Variants in THSD7B observed in about 807,000 individuals in gnomAD.
The protein encoded by THSD7B is thrombospondin type-1 domain-containing protein 7B.
Under a neutral mutation model 213.6 loss-of-function variants are expected in THSD7B, and 138 were observed. That is an observed-to-expected ratio of 0.65 (90% CI 0.56 to 0.74). The LOEUF (loss-of-function observed/expected upper bound fraction) is 0.74. Among genes scored for constraint, THSD7B ranks in the 30% least tolerant of loss-of-function variants. THSD7B has a pLI of 0.00. For synonymous variants in THSD7B, 742 were observed against 687.0 expected (o/e 1.08, Z -1.25); for missense variants, 1,931 against 1,991.5 (o/e 0.97, Z 0.58).
intron 7 of THSD7B, 48 bp downstream of exon 7, chr2:137,170,986 C>A: frequency 1.3e-6 from 2 of 1,576,114 alleles, no homozygotes; most frequent in South Asian, 1.1e-5. Context: ...AAGTATCAGC[C>A]AAATAACACA....
At chr2:137,336,403 T>C (rs1684640245) in intron 12 of THSD7B, among the ~76,000 whole-genome samples, 1 of 152,178 alleles carries the variant, frequency 6.6e-6, no homozygotes, top group Admixed American at 6.5e-5. Context: ...ATGCAATATA[T>C]TGTGAACAGT....
chr2:136,781,771 C>T (rs1338571898), intron 1 of THSD7B, among the ~76,000 whole-genome samples: 1 of 152,122 alleles, frequency 6.6e-6, no homozygotes, highest in Non-Finnish European at 1.5e-5. Flanking sequence ...TGGCGTTCCT[C>T]TGATTCCTTC....
chr2:137,449,664 G>A (rs774403788), intron 14 of THSD7B, among the ~76,000 whole-genome samples: 4 of 152,166 alleles, frequency 2.6e-5, no homozygotes, highest in African/African-American at 4.8e-5. Context: ...GCTGCTTGCA[G>A]TTTCCTGTCA....
chr2:137,326,185 C>T (rs1684370159), intron 12 of THSD7B, among the ~76,000 whole-genome samples: 1 of 152,106 alleles, frequency 6.6e-6, no homozygotes, highest in Non-Finnish European at 1.5e-5. Context: ...GACATAGCTT[C>T]TATCGAGACC....
At chr2:137,626,041 G>T (rs1428394139) in intron 20 of THSD7B, among the ~76,000 whole-genome samples, 3 of 152,232 alleles carry the variant, frequency 2.0e-5, no homozygotes, top group African/African-American at 7.2e-5. Flanking sequence ...AGGAATCACT[G>T]GGATGTGGGT....
intron 2 of THSD7B, among the ~76,000 whole-genome samples, chr2:136,949,860 C>A (rs990666711): frequency 6.6e-6 from 1 of 152,170 alleles, no homozygotes; most frequent in African/African-American, 2.4e-5. Context: ...GAATATAAAT[C>A]ATTGTACTGT....
chr2:137,178,493 A>G (rs1241964534), intron 7 of THSD7B, among the ~76,000 whole-genome samples: 1 of 152,246 alleles, frequency 6.6e-6, no homozygotes, highest in Non-Finnish European at 1.5e-5. Context: ...TTCACGCTAC[A>G]GGAATCAGAC....
chr2:137,316,621 G>A (rs1463189248), intron 12 of THSD7B, among the ~76,000 whole-genome samples: 12 of 152,046 alleles, frequency 7.9e-5, no homozygotes, highest in South Asian at 2.1e-4. Flanking sequence ...AGCCAGGCGC[G>A]GTGGTGGGTG....
At chr2:137,664,287 G>C (rs1419433044) in intron 26 of THSD7B, among the ~76,000 whole-genome samples, 1 of 152,176 alleles carries the variant, frequency 6.6e-6, no homozygotes, top group Non-Finnish European at 1.5e-5. Context: ...GATCCTATTT[G>C]CTTCAAGAAA....
At chr2:136,803,785 A>C (rs1161701224) in intron 1 of THSD7B, among the ~76,000 whole-genome samples, 1 of 152,182 alleles carries the variant, frequency 6.6e-6, no homozygotes, top group Non-Finnish European at 1.5e-5. Context: ...GCATCAGTAG[A>C]CAATGATTAT....
At chr2:137,181,722 G>A (rs1181576809) in intron 7 of THSD7B, among the ~76,000 whole-genome samples, 1 of 152,054 alleles carries the variant, frequency 6.6e-6, no homozygotes, top group African/African-American at 2.4e-5. Flanking sequence ...TTAATGATAT[G>A]TAGCATCTCT....
At chr2:137,634,443 A>G (rs914548990) in intron 20 of THSD7B, among the ~76,000 whole-genome samples, 4 of 152,150 alleles carry the variant, frequency 2.6e-5, no homozygotes, top group African/African-American at 7.2e-5. Context: ...TTGCTCAGAT[A>G]TTTTATTCAA....
chr2:137,299,752 A>G (rs545951590), intron 12 of THSD7B, among the ~76,000 whole-genome samples: 168 of 152,302 alleles, frequency 1.1e-3, no homozygotes, highest in African/African-American at 3.7e-3. Context: ...TAAACATTAT[A>G]CATAGTTTTA....
intron 1 of THSD7B, among the ~76,000 whole-genome samples, chr2:136,790,625 G>A (rs1191376061): frequency 6.6e-6 from 1 of 152,050 alleles, no homozygotes; most frequent in Non-Finnish European, 1.5e-5. Flanking sequence ...AGTTTTTGGA[G>A]ATTCAAAGAC....
rs779997236 is a variant in THSD7B at position 137,095,102 on chromosome 2, C to T, written c.1180C>T (p.Leu394Phe). ...AGAGGCCTGCATTGTTGAAGGAGAACTTCTGCAGCAATGTCCCAGGTATTA... is the reference window on the plus strand; with the variant it reads ...AGAGGCCTGCATTGTTGAAGGAGAATTTCTGCAGCAATGTCCCAGGTATTA... ...EKEACIVEGE[L>F]LQQCPRYSWR... is the part of the protein sequence containing the mutation. Residue 394 changes from leucine (L) to phenylalanine (F), a missense_variant, in exon 4 of 28, where the codon CTT becomes TTT. Coordinates refer to ENST00000409968, the MANE Select transcript of THSD7B (RefSeq NM_001316349.2). 4 of 1,613,820 alleles carry T rather than the reference C, an allele frequency of 2.5e-6. No homozygotes were observed. Among genetic ancestry groups the T allele is most frequent in the Middle Eastern group, 1.7e-4 (1 of 6,056 alleles).
intron 9 of THSD7B, among the ~76,000 whole-genome samples, chr2:137,241,680 AGGAG>A (rs1377026869): frequency 6.6e-6 from 1 of 152,170 alleles, no homozygotes; most frequent in Non-Finnish European, 1.5e-5. Flanking sequence ...TGGGAGGCCA[AGGAG>A]GGCAGATTAT....
Position 137,641,471 on chromosome 2 carries a change from C to T in THSD7B, c.3800-1017C>T, listed in dbSNP as rs1423678086. Reference sequence around the variant, plus strand: ...TTTCTTTTAACATTTATCACAAATACAATTACATAATTAACTTTATAACAA... The same window carrying T: ...TTTCTTTTAACATTTATCACAAATATAATTACATAATTAACTTTATAACAA... On this transcript the variant is annotated intron_variant, in intron 20 of 27. Transcript: ENST00000409968. Among the ~76,000 whole-genome samples the T allele has an allele frequency of 2.0e-5, 3 of 152,300 alleles. No homozygotes were observed. In the East Asian group the frequency reaches 5.8e-4, roughly 29 times the overall value.
At chr2:137,599,112 C>A (rs1682026164) in intron 17 of THSD7B, among the ~76,000 whole-genome samples, 1 of 148,324 alleles carries the variant, frequency 6.7e-6, no homozygotes, top group African/African-American at 2.5e-5. Flanking sequence ...CAATTCCCAC[C>A]TATGAGTGAG....
intron 2 of THSD7B, among the ~76,000 whole-genome samples, chr2:136,905,431 A>G (rs1684143179): frequency 6.6e-6 from 1 of 152,216 alleles, no homozygotes; most frequent in African/African-American, 2.4e-5. Flanking sequence ...GAAGACGAAG[A>G]CAAAGGTTTT....
Sources: gnomAD v4.1 joint callset for allele counts (sites outside exome capture counted in the v4.1 genomes callset) on GRCh38, gnomAD v4.1.1 for gene constraint, MANE v1.5 for transcripts, NCBI Gene and HGNC (gene_info 2026-07-23, HGNC 2026-07-21) for gene names.